The following GRIK2 variants were observed in gnomAD, a reference collection of about 807,000 sequenced individuals.
The protein encoded by GRIK2 is glutamate receptor ionotropic, kainate 2.
GRIK2 carries 32 observed loss-of-function variants against 100.3 expected under a neutral mutation model. The observed-to-expected ratio is 0.32, with a 90% CI of 0.24 to 0.43. GRIK2 has a LOEUF of 0.43. Among genes scored for constraint, GRIK2 ranks in the 20% least tolerant of loss-of-function variants. GRIK2 has a pLI of 1.00. For missense variants in GRIK2, 843 were observed against 1,114.9 expected (o/e 0.76, Z 3.47); for synonymous variants, 417 against 389.4 (o/e 1.07, Z -0.83).
intron 2 of GRIK2, among the ~76,000 whole-genome samples, chr6:101,521,131 T>C (rs1190090315): frequency 6.6e-6 from 1 of 152,088 alleles, no homozygotes; most frequent in Non-Finnish European, 1.5e-5. Flanking sequence ...CCATTTTCTA[T>C]AGTTTCTCTA....
chr6:101,689,493 C>G lies in GRIK2; in HGVS notation c.951+3140C>G, dbSNP rs187075745. Among the ~76,000 whole-genome samples, 1,219 of 152,196 alleles carry G rather than the reference C, an allele frequency of 8.0e-3. 18 individuals carry two copies. Among genetic ancestry groups the G allele is most frequent in the South Asian group, 0.031 (150 of 4,824 alleles). ...GGATTTTAATTGGCCTTTGAGATGA[C>G]TGTTTATCAGTTAAATGACTACTGA... On this transcript the variant is annotated intron_variant, in intron 7 of 16. Transcript: ENST00000369134.
chr6:101,444,574 A>G (rs1770259216), intron 2 of GRIK2, among the ~76,000 whole-genome samples: 2 of 152,070 alleles, frequency 1.3e-5, no homozygotes, highest in African/African-American at 4.8e-5. Context: ...AATTCCTTCA[A>G]TTTATATGCA....
chr6:101,725,983 A>G (rs563046581), intron 7 of GRIK2, among the ~76,000 whole-genome samples: 1 of 152,030 alleles, frequency 6.6e-6, no homozygotes, highest in South Asian at 2.1e-4. Flanking sequence ...ATTTTTTTCT[A>G]TAAATTTAAT....
chr6:101,864,768 G>A (rs1562448608), intron 11 of GRIK2, among the ~76,000 whole-genome samples: 1 of 152,136 alleles, frequency 6.6e-6, no homozygotes, highest in South Asian at 2.1e-4. Flanking sequence ...GTTGAACCAT[G>A]ATTATATTTA....
At chr6:102,065,664 T>G in intron 16 of GRIK2, 1 of 522,014 alleles carries the variant, frequency 1.9e-6, no homozygotes, top group Admixed American at 3.9e-5. Flanking sequence ...TTGGGAAATT[T>G]ATTGGTTTTA....
chr6:101,564,501 T>G (rs1777160571), intron 2 of GRIK2, among the ~76,000 whole-genome samples: 1 of 152,132 alleles, frequency 6.6e-6, no homozygotes, highest in African/African-American at 2.4e-5. Flanking sequence ...GAATTCAAGT[T>G]GCTCACTGTG....
At chr6:101,766,325 T>A (rs1190142930) in intron 7 of GRIK2, among the ~76,000 whole-genome samples, 1 of 152,120 alleles carries the variant, frequency 6.6e-6, no homozygotes, top group African/African-American at 2.4e-5. Context: ...ATGTTTCTAA[T>A]CATGACCTCA....
intron 9 of GRIK2, among the ~76,000 whole-genome samples, chr6:101,817,993 A>G (rs984895880): frequency 5.3e-5 from 8 of 152,178 alleles, no homozygotes; most frequent in African/African-American, 1.9e-4. Flanking sequence ...TGTCTGTATA[A>G]TATGGCATGT....
At chr6:101,849,942 A>G (rs1784039724) in intron 10 of GRIK2, among the ~76,000 whole-genome samples, 1 of 151,022 alleles carries the variant, frequency 6.6e-6, no homozygotes, top group South Asian at 2.1e-4. Context: ...TGTTGCCACA[A>G]ATAAACTTTA....
chr6:101,916,953 T>C (rs912582349), intron 12 of GRIK2, among the ~76,000 whole-genome samples: 7 of 151,646 alleles, frequency 4.6e-5, no homozygotes, highest in African/African-American at 1.7e-4. Context: ...GATGTTCCCA[T>C]TTTATGCCTG....
intron 2 of GRIK2, among the ~76,000 whole-genome samples, chr6:101,602,791 A>G (rs943433150): frequency 6.6e-6 from 1 of 151,718 alleles, no homozygotes; most frequent in African/African-American, 2.4e-5. Context: ...TAGAATCAGT[A>G]TAGAAAGAAA....
At chr6:101,665,619 G>A (rs572120198) in intron 4 of GRIK2, among the ~76,000 whole-genome samples, 3 of 152,128 alleles carry the variant, frequency 2.0e-5, no homozygotes, top group East Asian at 1.9e-4. Flanking sequence ...AACCTTAAAG[G>A]TTATGAATTG....
chr6:101,439,206 A>T (rs1369068728), intron 2 of GRIK2, among the ~76,000 whole-genome samples: 3 of 152,066 alleles, frequency 2.0e-5, no homozygotes, highest in Admixed American at 2.0e-4. Context: ...CTTACTGTTC[A>T]TTGTTCCATG....
chr6:101,626,663 G>C (rs751438361), intron 4 of GRIK2, 26 bp downstream of exon 4: 1 of 1,594,248 alleles, frequency 6.3e-7, no homozygotes, highest in Non-Finnish European at 8.6e-7. Context: ...ATCTTTTGGA[G>C]CTATGCTTTA....
chr6:102,046,703 T>A (rs1770908041), intron 15 of GRIK2, among the ~76,000 whole-genome samples: 1 of 152,162 alleles, frequency 6.6e-6, no homozygotes. Context: ...AAACTTTATA[T>A]GGAATGAACC....
chr6:101,530,193 A>T (rs1216541762), intron 2 of GRIK2, among the ~76,000 whole-genome samples: 2 of 152,076 alleles, frequency 1.3e-5, no homozygotes, highest in Non-Finnish European at 2.9e-5. Context: ...AGAGAGCAAG[A>T]TAAGCAACAA....
intron 2 of GRIK2, among the ~76,000 whole-genome samples, chr6:101,469,798 A>G (rs1041417243): frequency 8.5e-5 from 13 of 152,150 alleles, no homozygotes; most frequent in African/African-American, 3.1e-4. Flanking sequence ...GCCTGAGGGA[A>G]GTGGGGCGTG....
chr6:101,448,091 C>A (rs1357283324), intron 2 of GRIK2, among the ~76,000 whole-genome samples: 2 of 151,640 alleles, frequency 1.3e-5, no homozygotes, highest in African/African-American at 4.8e-5. Flanking sequence ...TTAGAGGCAT[C>A]AATCTTTCAT....
intron 2 of GRIK2, among the ~76,000 whole-genome samples, chr6:101,508,340 A>C (rs1044245351): frequency 1.3e-5 from 2 of 152,208 alleles, no homozygotes; most frequent in Non-Finnish European, 2.9e-5. Context: ...CAGTGAAAAC[A>C]AGAGGATAAA....
Sources: allele counts gnomAD v4.1 joint callset (sites outside exome capture counted in the v4.1 genomes callset), GRCh38; gene constraint gnomAD v4.1.1; transcripts MANE v1.5; gene names NCBI Gene and HGNC (gene_info 2026-07-23, HGNC 2026-07-21).